The following ANXA10 variants were observed in gnomAD, a reference collection of about 807,000 sequenced individuals.
ANXA10 encodes annexin 14.
A neutral mutation model predicts 53.5 loss-of-function variants in ANXA10; 49 were observed. The ratio of observed to expected loss-of-function variants is 0.92; its 90% CI spans 0.73 to 1.16. The LOEUF (loss-of-function observed/expected upper bound fraction) is 1.16, where lower values mean the gene tolerates loss of function less well. ANXA10 is among the 50% of genes most tolerant of loss of function. The probability of loss-of-function intolerance (pLI) is 0.00; values close to 1 mark genes in which losing one functional copy is unlikely to be tolerated. For missense variants in ANXA10, 393 were observed against 394.4 expected, an observed-to-expected ratio of 1.00 and a Z score of 0.03; for synonymous variants, 131 against 128.9, an observed-to-expected ratio of 1.02 and a Z score of -0.11.
chr4:168,137,394 T>A (rs531041278), intron 2 of ANXA10, among the ~76,000 whole-genome samples: 1 of 152,316 alleles, frequency 6.6e-6, no homozygotes, highest in Admixed American at 6.5e-5. Flanking sequence ...GTGAACATCA[T>A]ACCCAATAGG....
chr4:168,185,137 G>C (rs1031558506), intron 11 of ANXA10, among the ~76,000 whole-genome samples: 1 of 151,920 alleles, frequency 6.6e-6, no homozygotes, highest in Non-Finnish European at 1.5e-5. Flanking sequence ...CTGGGCAACA[G>C]AGTGAGACTC....
At chr4:168,099,595 A>G (rs1469868339) in intron 1 of ANXA10, among the ~76,000 whole-genome samples, 1 of 151,964 alleles carries the variant, frequency 6.6e-6, no homozygotes, top group Non-Finnish European at 1.5e-5. Context: ...ACCTAATACA[A>G]CTTAACGACC....
intron 3 of ANXA10, among the ~76,000 whole-genome samples, chr4:168,153,981 TACACACAC>T (rs35992092): frequency 6.7e-6 from 1 of 149,244 alleles, no homozygotes; most frequent in Admixed American, 6.8e-5. Flanking sequence ...TAGCTATGTA[TACACACAC>T]ACACACACAC....
At chr4:168,174,529 C>T (rs929091652) in intron 6 of ANXA10, among the ~76,000 whole-genome samples, 8 of 152,196 alleles carry the variant, frequency 5.3e-5, no homozygotes, top group Non-Finnish European at 8.8e-5. Flanking sequence ...GGTGGCAAGG[C>T]AAATGCAGCC....
At chr4:168,184,480 A>G in intron 10 of ANXA10, 79 bp from the exon 11 acceptor site, 6 of 1,518,638 alleles carry the variant, frequency 4.0e-6, no homozygotes, top group Non-Finnish European at 5.4e-6. Flanking sequence ...TGACTACAGA[A>G]AAGGGGTGTG....
At chr4:168,130,505 C>T (rs1286266655) in intron 2 of ANXA10, among the ~76,000 whole-genome samples, 2 of 151,974 alleles carry the variant, frequency 1.3e-5, no homozygotes, top group Non-Finnish European at 2.9e-5. Context: ...ATGAAGCATT[C>T]TCTATGCTTC....
rs764076161 is a variant in ANXA10 at position 168,162,528 on chromosome 4, G to A, written c.196G>A (p.Asp66Asn). 3.1e-6 allele frequency: 5 copies of A among 1,611,760 alleles called. No homozygotes were observed. The South Asian group carries it at 5.5e-5, about 18-fold the overall frequency. Residue 66 changes from aspartate to asparagine, a missense_variant and splice_region_variant, in exon 4 of 12, where the codon GAC becomes AAC. Asp to Asn is a conservative substitution (Grantham distance 23). Coordinates refer to ENST00000359299, the MANE Select transcript of ANXA10 (RefSeq NM_007193.5). ...AATATATGTACTTTTTCCTCCACAGGACCTGATTGGGGATATGAGGGAGCA... is the reference window on the plus strand; with the variant it reads ...AATATATGTACTTTTTCCTCCACAGAACCTGATTGGGGATATGAGGGAGCA... ...AEAYQSMYGR[D>N]LIGDMREQLS...
intron 2 of ANXA10, among the ~76,000 whole-genome samples, chr4:168,134,334 C>G (rs574869339): frequency 6.6e-6 from 1 of 152,118 alleles, no homozygotes; most frequent in Non-Finnish European, 1.5e-5. Context: ...CCTAAATTTA[C>G]AGTTATTTTA....
chr4:168,107,090 G>A (rs1169044791), intron 1 of ANXA10, among the ~76,000 whole-genome samples: 1 of 152,012 alleles, frequency 6.6e-6, no homozygotes, highest in Non-Finnish European at 1.5e-5. Flanking sequence ...AAAGACCAAC[G>A]TATCCTGTAA....
Position 168,177,953 on chromosome 4 carries a change from T to C in ANXA10, c.598T>C (p.Cys200Arg). ...EHKTMLQMIL[C>R]NKSYQQLRLV... ...CAAAACCATGCTGCAAATGATCCTGTGCAACAAGAGCTACCAGCAGCTGCG... is the reference window on the plus strand; with the variant it reads ...CAAAACCATGCTGCAAATGATCCTGCGCAACAAGAGCTACCAGCAGCTGCG... Residue 200 changes from cysteine to arginine, a missense_variant, in exon 8 of 12, where the codon TGC becomes CGC. By Grantham distance (180) the Cys-to-Arg change is radical. Transcript: ENST00000359299. 4 of 1,613,830 alleles carry C rather than the reference T, an allele frequency of 2.5e-6. No individual in the cohort carries two copies. The South Asian group carries it at 4.4e-5, about 18-fold the overall frequency.
chr4:168,179,329 T>G lies in ANXA10; in HGVS notation c.724+17T>G. 6.5e-7 allele frequency: 1 copy of G among 1,535,568 alleles called. No individual in the cohort carries two copies. The highest frequency in any genetic ancestry group is 1.1e-5 in the South Asian group (1 of 87,556). The stretch of plus-strand genomic sequence containing the variant: ...TTGCAATTGGTAAGTAATAAATTAT[T>G]TGAAGCACAACAGACATTTTATTTC... On this transcript the variant is annotated intron_variant, in intron 9 of 11. Transcript: ENST00000359299.
chr4:168,155,716 T>A (rs371662408), intron 3 of ANXA10, among the ~76,000 whole-genome samples: 1 of 10,340 alleles, frequency 9.7e-5, no homozygotes, highest in Non-Finnish European at 1.5e-4. Context: ...TATATAATAT[T>A]ATATAATATA....
chr4:168,134,495 A>G (rs1468324257), intron 2 of ANXA10, among the ~76,000 whole-genome samples: 1 of 152,198 alleles, frequency 6.6e-6, no homozygotes, highest in African/African-American at 2.4e-5. Flanking sequence ...GTAAGACTAT[A>G]ATAATTTCAT....
intron 3 of ANXA10, among the ~76,000 whole-genome samples, chr4:168,156,214 TA>T (rs1731668124): frequency 4.5e-5 from 1 of 22,338 alleles, no homozygotes; most frequent in Non-Finnish European, 7.4e-5. Flanking sequence ...TATTATATTA[TA>T]TGTAATATGT....
chr4:168,116,311 C>T (rs1010324827), intron 1 of ANXA10, among the ~76,000 whole-genome samples: 5 of 152,072 alleles, frequency 3.3e-5, no homozygotes, highest in African/African-American at 9.7e-5. Flanking sequence ...ATGAGTAAAA[C>T]CCAAAGACTG....
intron 1 of ANXA10, among the ~76,000 whole-genome samples, chr4:168,094,474 C>A (rs1730511536): frequency 6.6e-6 from 1 of 151,998 alleles, no homozygotes; most frequent in Admixed American, 6.6e-5. Flanking sequence ...GCTAAAAAGG[C>A]CAATATTTGA....
intron 3 of ANXA10, among the ~76,000 whole-genome samples, chr4:168,156,068 TATTA>T (rs1731652113): frequency 1.5e-5 from 1 of 64,720 alleles, no homozygotes; most frequent in East Asian, 4.8e-4. Flanking sequence ...ATATATCATA[TATTA>T]TATATATTAT....
chr4:168,138,876 T>C (rs943330877), intron 2 of ANXA10, among the ~76,000 whole-genome samples: 9 of 152,206 alleles, frequency 5.9e-5, no homozygotes, highest in Non-Finnish European at 1.2e-4. Context: ...AATTGAGTTC[T>C]TGATTTGGTT....
At chr4:168,110,444 C>CT (rs70957898) in intron 1 of ANXA10, among the ~76,000 whole-genome samples, 5,097 of 127,530 alleles carry the variant, frequency 0.04, 104 homozygotes, top group Middle Eastern at 0.072. Flanking sequence ...TGTGTTAATT[C>CT]TTTTTTTTTT....
Sources: allele counts gnomAD v4.1 joint callset (sites outside exome capture counted in the v4.1 genomes callset), GRCh38; gene constraint gnomAD v4.1.1; transcripts MANE v1.5; gene names NCBI Gene and HGNC (gene_info 2026-07-23, HGNC 2026-07-21).